The following REEP3 variants were observed in gnomAD, a reference collection of about 807,000 sequenced individuals.
REEP3 encodes the protein receptor accessory protein 3, also known as receptor expression-enhancing protein 3.
Under a neutral mutation model 41.3 loss-of-function variants are expected in REEP3, and 20 were observed. That is an observed-to-expected ratio of 0.48 (90% CI 0.34 to 0.70). REEP3 has a LOEUF of 0.70. REEP3 is among the 30% of genes least tolerant of loss of function. The pLI is 0.01. For missense variants in REEP3, 271 were observed against 308.8 expected, an observed-to-expected ratio of 0.88 and a Z score of 0.92; for synonymous variants, 104 against 101.8, an observed-to-expected ratio of 1.02 and a Z score of -0.13.
chr10:63,612,382 G>C (rs559380030), intron 6 of REEP3, among the ~76,000 whole-genome samples: 2 of 150,942 alleles, frequency 1.3e-5, no homozygotes, highest in East Asian at 3.9e-4. Flanking sequence ...ATGTTACCCA[G>C]ACTGGCCTCA....
Position 63,573,125 on chromosome 10 carries a change from C to A in REEP3, c.105+6715C>A, listed in dbSNP as rs548877995. The stretch of plus-strand genomic sequence containing the variant: ...ACTACTACCATTCCCCTTAAGCCTG[C>A]AAATGGTAGATTGCACCTGATAAAA... On this transcript the variant is annotated intron_variant, in intron 2 of 7. Transcript: ENST00000373758. 1.2e-4 allele frequency among the ~76,000 whole-genome samples: 18 copies of A among 152,364 alleles called. No homozygotes were observed. In the South Asian group the frequency reaches 3.7e-3, roughly 32 times the overall value.
At chr10:63,556,722 G>A (rs1377437345) in intron 1 of REEP3, among the ~76,000 whole-genome samples, 1 of 133,208 alleles carries the variant, frequency 7.5e-6, no homozygotes, top group South Asian at 2.6e-4. Flanking sequence ...TGCAAGCTCC[G>A]CCTCCCGGGT....
intron 5 of REEP3, among the ~76,000 whole-genome samples, chr10:63,605,591 TAAAC>T (rs1055234650): frequency 4.6e-5 from 7 of 152,240 alleles, no homozygotes; most frequent in Non-Finnish European, 1.0e-4. Context: ...AAGGTGCTGA[TAAAC>T]AAAATAAGTT....
chr10:63,610,379 G>A, intron 6 of REEP3, 45 bp downstream of exon 6: 1 of 1,541,432 alleles, frequency 6.5e-7, no homozygotes. Context: ...CATGGAAACA[G>A]GGAGGGGAAC....
intron 2 of REEP3, among the ~76,000 whole-genome samples, chr10:63,591,225 G>A (rs1245509619): frequency 1.3e-5 from 2 of 150,644 alleles, no homozygotes; most frequent in Admixed American, 6.6e-5. Context: ...TTTAATAAAA[G>A]CATCACTGAG....
intron 1 of REEP3, among the ~76,000 whole-genome samples, chr10:63,565,948 G>A (rs1037441840): frequency 3.4e-5 from 5 of 146,896 alleles, no homozygotes; most frequent in Non-Finnish European, 5.9e-5. Flanking sequence ...GCAGTGGCAC[G>A]ATCTTGGCTC....
intron 2 of REEP3, among the ~76,000 whole-genome samples, chr10:63,591,200 G>A (rs544251071): frequency 1.3e-5 from 2 of 150,908 alleles, no homozygotes; most frequent in African/African-American, 2.4e-5. Flanking sequence ...AGGCTGAATG[G>A]CCTTGAGGTG....
chr10:63,596,428 T>C (rs1956116066), intron 3 of REEP3, among the ~76,000 whole-genome samples: 1 of 152,140 alleles, frequency 6.6e-6, no homozygotes, highest in South Asian at 2.1e-4. Context: ...AGAAAATGTT[T>C]AACATGAACA....
At chr10:63,598,449 A>G (rs1296302631) in intron 4 of REEP3, among the ~76,000 whole-genome samples, 1 of 128,398 alleles carries the variant, frequency 7.8e-6, no homozygotes, top group Non-Finnish European at 1.6e-5. Context: ...TCACCATTGC[A>G]CTCCAGCCTG....
chr10:63,544,883 A>G (rs1955563011), intron 1 of REEP3, among the ~76,000 whole-genome samples: 1 of 152,214 alleles, frequency 6.6e-6, no homozygotes, highest in Admixed American at 6.5e-5. Flanking sequence ...CCGTATGTAT[A>G]TGCATTAGGG....
chr10:63,536,520 TGG>T (rs1245792299), intron 1 of REEP3, among the ~76,000 whole-genome samples: 6 of 152,168 alleles, frequency 3.9e-5, no homozygotes, highest in Non-Finnish European at 7.4e-5. Context: ...CTTTCTAACT[TGG>T]GGCAAGGAAG....
At chr10:63,550,935 TCAG>T (rs1402954886) in intron 1 of REEP3, among the ~76,000 whole-genome samples, 5 of 152,166 alleles carry the variant, frequency 3.3e-5, no homozygotes, top group African/African-American at 1.2e-4. Flanking sequence ...TATATACACT[TCAG>T]CAAAATTCAT....
At chr10:63,528,714 T>C (rs1955390083) in intron 1 of REEP3, among the ~76,000 whole-genome samples, 1 of 152,254 alleles carries the variant, frequency 6.6e-6, no homozygotes. Flanking sequence ...CCATTATAAC[T>C]CCAGCCACAG....
At chr10:63,599,380 C>T in intron 5 of REEP3, 97 bp downstream of exon 5, 1 of 506,238 alleles carries the variant, frequency 2.0e-6, no homozygotes, top group East Asian at 3.7e-5. Context: ...TGGCATTTTG[C>T]TATATTTATT....
At chr10:63,589,785 CT>C (rs59658061) in intron 2 of REEP3, among the ~76,000 whole-genome samples, 434 of 80,810 alleles carry the variant, frequency 5.4e-3, no homozygotes, top group African/African-American at 0.013. Flanking sequence ...AGCAGAACAT[CT>C]TTTTTTTTTT....
intron 1 of REEP3, among the ~76,000 whole-genome samples, chr10:63,541,712 G>T (rs975137014): frequency 6.6e-6 from 1 of 151,942 alleles, no homozygotes; most frequent in Non-Finnish European, 1.5e-5. Context: ...TTATTTAAAG[G>T]TCAACCAGTA....
chr10:63,619,636 T>G lies in REEP3; in HGVS notation c.566-19T>G. 1.3e-6 allele frequency: 2 copies of G among 1,587,556 alleles called. No individual in the cohort carries two copies. The highest frequency in any genetic ancestry group is 1.7e-6 in the Non-Finnish European group (2 of 1,166,442). ...GGTGTCCTTTTACCAAAACATGCTG[T>G]TTTTGACAACTTGTTTAGGTTATGG... is the stretch of plus-strand genomic sequence containing the variant. On this transcript the variant is annotated intron_variant, in intron 6 of 7. Transcript: ENST00000373758.
At chr10:63,619,881 C>A in intron 7 of REEP3, 81 bp downstream of exon 7, 3 of 921,552 alleles carry the variant, frequency 3.3e-6, no homozygotes, top group Non-Finnish European at 3.1e-6. Context: ...ATTAATGATC[C>A]ATAAATGAAG....
chr10:63,564,160 C>T (rs532423615), intron 1 of REEP3, among the ~76,000 whole-genome samples: 1 of 152,266 alleles, frequency 6.6e-6, no homozygotes, highest in Admixed American at 6.5e-5. Context: ...ATAGGGGAAA[C>T]TGGGTATGTA....
Sources: allele counts gnomAD v4.1 joint callset (sites outside exome capture counted in the v4.1 genomes callset), GRCh38; gene constraint gnomAD v4.1.1; transcripts MANE v1.5; gene names NCBI Gene and HGNC (gene_info 2026-07-23, HGNC 2026-07-21).